Variants in NIN observed in about 807,000 individuals in gnomAD.
NIN encodes the protein ninein, also known as glycogen synthase kinase 3 beta-interacting protein.
In NIN, 137 loss-of-function variants were observed where a neutral mutation model predicts 257.6. That is an observed-to-expected ratio of 0.53 (90% CI 0.46 to 0.61). The LOEUF is 0.61. NIN is among the 20% of genes least tolerant of loss of function. The pLI is 0.00. For synonymous variants in NIN, 918 were observed against 919.8 expected, an observed-to-expected ratio of 1.00 and a Z score of 0.04; for missense variants, 2,439 against 2,501.2, an observed-to-expected ratio of 0.98 and a Z score of 0.53.
chr14:50,807,235 G>C (rs931283785), intron 3 of NIN, among the ~76,000 whole-genome samples: 2 of 152,204 alleles, frequency 1.3e-5, no homozygotes, highest in African/African-American at 4.8e-5. Context: ...AGATATTCTA[G>C]AAGGGAGTAA....
rs934430001 is a variant in NIN, at chr14:50,759,586, C to T, written c.2399+271G>A. On this transcript the variant is annotated intron_variant, in intron 17 of 30. Transcript: ENST00000530997. ...TCGGCTCACTGCAAGCTCCGCCTCCCGGGTTCACGCCATTCTCCTGCCTCA... is the reference window on the plus strand; with the variant it reads ...TCGGCTCACTGCAAGCTCCGCCTCCTGGGTTCACGCCATTCTCCTGCCTCA... 1.9e-4 allele frequency among the ~76,000 whole-genome samples: 29 copies of T among 152,128 alleles called. No homozygotes were observed. In the East Asian group the frequency reaches 4.5e-3, roughly 23 times the overall value.
At chr14:50,790,944 C>T (rs1392784042) in intron 5 of NIN, among the ~76,000 whole-genome samples, 1 of 152,172 alleles carries the variant, frequency 6.6e-6, no homozygotes, top group Admixed American at 6.5e-5. Flanking sequence ...TGCCCAACAG[C>T]TTTCTGCGTA....
In NIN at chr14:50,723,325, A is replaced by G; in HGVS notation, c.*138T>C. ...AAACTCCCATAAGGGTCTATTTAGA[A>G]AAACTAATTATGATAAATGGAAACT... On this transcript the variant is annotated 3_prime_UTR_variant, in exon 31 of 31. Coordinates refer to ENST00000530997, the MANE Select transcript of NIN (RefSeq NM_020921.4). The G allele has an allele frequency of 1.5e-6, 1 of 660,632 alleles. No homozygotes were observed. The highest frequency in any genetic ancestry group is 2.7e-5 in the East Asian group (1 of 36,696). The allele number at this position is 660,632 out of a possible 1,614,324, so 40.9% of individuals were successfully genotyped here.
intron 5 of NIN, among the ~76,000 whole-genome samples, chr14:50,780,904 C>A (rs2141908228): frequency 6.6e-6 from 1 of 152,296 alleles, no homozygotes; most frequent in South Asian, 2.1e-4. Flanking sequence ...ATAAAGACGT[C>A]TCTCCAATCT....
intron 28 of NIN, among the ~76,000 whole-genome samples, chr14:50,733,514 ACACT>A (rs2040823924): frequency 6.6e-6 from 1 of 152,214 alleles, no homozygotes; most frequent in South Asian, 2.1e-4. Flanking sequence ...AGTGTCAAGA[ACACT>A]CAATTTTCCT....
At chr14:50,761,711 A>T in intron 16 of NIN, 79 bp downstream of exon 16, 1 of 1,530,368 alleles carries the variant, frequency 6.5e-7, no homozygotes, top group African/African-American at 1.4e-5. Context: ...ATGAGAAAAA[A>T]GAATTGGAAA....
chr14:50,738,171 A>T lies in NIN; in HGVS notation c.5744T>A (p.Phe1915Tyr). The change falls in exon 27 of 31, where the codon TTT (phenylalanine) becomes TAT (tyrosine). Residue 1915 changes from phenylalanine (F) to tyrosine (Y), a missense_variant. This residue lies in a region of NIN where 2,043 missense variants were observed against 2,050.2 expected (regional missense o/e 1.00). Transcript: ENST00000530997. ...GTTAGCAGGAGATTGTTCTTTCTGA[A>T]ACTGATCACACTCTCTCTTTAAGCT... ...KLSLKRECDQ[F>Y]QKEQSPANRK... The T allele has an allele frequency of 6.2e-7, 1 of 1,614,116 alleles. No individual in the cohort carries two copies.
At chr14:50,726,300 C>T in intron 29 of NIN, 1 of 453,784 alleles carries the variant, frequency 2.2e-6, no homozygotes, top group Non-Finnish European at 3.9e-6. Flanking sequence ...ACCTGTGTTA[C>T]CATCATCCCC....
At chr14:50,827,414 C>T (rs577916869) in intron 2 of NIN, among the ~76,000 whole-genome samples, 7 of 152,112 alleles carry the variant, frequency 4.6e-5, no homozygotes, top group South Asian at 4.2e-4. Context: ...AAATATAACA[C>T]GAAAGCTTAA....
At chr14:50,764,690 T>C (rs1490600688) in intron 14 of NIN, among the ~76,000 whole-genome samples, 1 of 152,032 alleles carries the variant, frequency 6.6e-6, no homozygotes, top group Non-Finnish European at 1.5e-5. Context: ...AAAAACATTA[T>C]GTTAAATGAA....
chr14:50,732,791 G>C (rs893322610), intron 28 of NIN, among the ~76,000 whole-genome samples: 1 of 151,858 alleles, frequency 6.6e-6, no homozygotes, highest in Admixed American at 6.6e-5. Context: ...GCAGTGGTGC[G>C]ATCTCAGCTC....
intron 5 of NIN, among the ~76,000 whole-genome samples, chr14:50,791,807 GCACACACACACACA>G (rs373370758): frequency 8.6e-6 from 1 of 116,702 alleles, no homozygotes; most frequent in African/African-American, 4.3e-5. Context: ...AGGTGCACGC[GCACACACACACACA>G]CACACACACA....
intron 3 of NIN, among the ~76,000 whole-genome samples, chr14:50,816,113 G>A (rs147222888): frequency 1.3e-5 from 2 of 152,010 alleles, no homozygotes; most frequent in African/African-American, 4.8e-5. Context: ...ACCAAACACC[G>A]CATGTTCTCA....
chr14:50,792,762 G>C lies in NIN; in HGVS notation c.385C>G (p.Leu129Val). ...TGTGAAGGCCGCGCTTCTTCATCCAGTGGCTCAATCACCGTCACTTCAGGA... is the reference window on the plus strand; with the variant it reads ...TGTGAAGGCCGCGCTTCTTCATCCACTGGCTCAATCACCGTCACTTCAGGA... ...EFPEVTVIEP[L>V]DEEARPSHIP... The change falls in exon 5 of 31, where the codon CTG becomes GTG. Residue 129 changes from leucine to valine, a missense_variant. Around this residue, in one of 3 missense-constraint regions of NIN, gnomAD observed 387 missense variants for 427.3 expected, o/e 0.91. Transcript: ENST00000530997. 1 of 1,614,180 alleles carries C rather than the reference G, an allele frequency of 6.2e-7. No individual in the cohort carries two copies. The highest frequency in any genetic ancestry group is 8.5e-7 in the Non-Finnish European group (1 of 1,180,036).
At chr14:50,789,630 T>C (rs79091882) in intron 5 of NIN, among the ~76,000 whole-genome samples, 1,709 of 152,194 alleles carry the variant, frequency 0.011, 28 homozygotes, top group African/African-American at 0.038. Context: ...GATTCAGAAT[T>C]CATTATAAGA....
Position 50,772,959 on chromosome 14 carries a change from A to G in NIN, c.803T>C (p.Leu268Pro). 1 of 1,609,796 alleles carries G rather than the reference A, an allele frequency of 6.2e-7. No homozygotes were observed. Residue 268 changes from leucine to proline, a missense_variant, in exon 8 of 31, where the codon CTT becomes CCT. Leu to Pro is a moderately conservative substitution (Grantham distance 98). This residue lies in a region of NIN where 387 missense variants were observed against 427.3 expected (regional missense o/e 0.91). Transcript: ENST00000530997. The part of the protein sequence containing the change: ...STPYRQLKRH[L>P]SMQSFDESGR... ...CTGCTTATTTTTTACCTGCATGGAA[A>G]GGTGCCTTTTTAGTTGTCTATATGG...
In NIN at chr14:50,723,686, C is replaced by A. The variant is rs1320598473; in HGVS notation, c.6193-14G>T. On this transcript the variant is annotated splice_polypyrimidine_tract_variant and intron_variant, in intron 30 of 30. Coordinates refer to ENST00000530997, the MANE Select transcript of NIN (RefSeq NM_020921.4). ...GTTCTTGCAGAGCTAGAAACAGAAC[C>A]AGAAACATCTTGACTCCATTTCTGT... The A allele has an allele frequency of 6.2e-7, 1 of 1,610,378 alleles. No homozygotes were observed. The highest frequency in any genetic ancestry group is 8.5e-7 in the Non-Finnish European group (1 of 1,176,824).
intron 17 of NIN, among the ~76,000 whole-genome samples, chr14:50,759,104 T>C (rs1321423083): frequency 6.6e-6 from 1 of 152,224 alleles, no homozygotes; most frequent in African/African-American, 2.4e-5. Flanking sequence ...TCAATCAGCG[T>C]GTGACGAAAC....
At position 50,760,070 on chromosome 14, in the gene NIN, G is replaced by T; in HGVS notation, c.2186C>A (p.Ala729Asp). The T allele has an allele frequency of 6.2e-7, 1 of 1,614,118 alleles. No individual in the cohort carries two copies. Among genetic ancestry groups the T allele is most frequent in the Non-Finnish European group, 8.5e-7 (1 of 1,180,010 alleles). ...GCTTGCTTGAGCCTGTGTCAGTCTAGCCTTGAGCTCCATCTCATGTTGCAG... is the reference window on the plus strand; with the variant it reads ...GCTTGCTTGAGCCTGTGTCAGTCTATCCTTGAGCTCCATCTCATGTTGCAG... ...LRLQHEMELK[A>D]RLTQAQASFE... The change falls in exon 17 of 31, where the codon GCT (alanine) becomes GAT (aspartate). Residue 729 changes from alanine (A) to aspartate (D), a missense_variant. Coordinates refer to ENST00000530997, the MANE Select transcript of NIN (RefSeq NM_020921.4).
Sources: gnomAD v4.1 joint callset for allele counts (sites outside exome capture counted in the v4.1 genomes callset) on GRCh38, gnomAD v4.1.1 for gene constraint, gnomAD v4.1.1 regional missense constraint, MANE v1.5 for transcripts, NCBI Gene and HGNC (gene_info 2026-07-23, HGNC 2026-07-21) for gene names.